Variants in ZRANB2 observed in about 807,000 individuals in gnomAD.
ZRANB2 encodes the protein zinc finger RANBP2-type containing 2.
Under a neutral mutation model 53.4 loss-of-function variants are expected in ZRANB2, and 19 were observed. The observed-to-expected ratio is 0.36, with a 90% CI of 0.25 to 0.52. The LOEUF (loss-of-function observed/expected upper bound fraction) is 0.52, where lower values mean the gene tolerates loss of function less well. ZRANB2 is among the 20% of genes least tolerant of loss of function. The probability of loss-of-function intolerance (pLI) is 0.93; values close to 1 mark genes in which losing one functional copy is unlikely to be tolerated. For missense variants in ZRANB2, 309 were observed against 401.1 expected (o/e 0.77, Z 1.96); for synonymous variants, 145 against 134.8 (o/e 1.08, Z -0.52).
At chr1:71,069,100 T>C (rs967973038) in intron 8 of ZRANB2, among the ~76,000 whole-genome samples, 176 bp downstream of exon 8, 2 of 152,142 alleles carry the variant, frequency 1.3e-5, no homozygotes, top group African/African-American at 2.4e-5. Flanking sequence ...GGCACACTGC[T>C]GGCAATGGAA....
chr1:71,065,024 T>C lies in ZRANB2; in HGVS notation c.*50A>G, dbSNP rs1661388474. ...AGTAAGACACCAACTTCTTTAAAAA[T>C]ATGCTTCATGCACTGTACTGGATTT... is the stretch of plus-strand genomic sequence containing the variant. On this transcript the variant is annotated 3_prime_UTR_variant, in exon 10 of 10. Transcript: ENST00000370920. The C allele has an allele frequency of 1.5e-6, 2 of 1,375,580 alleles. No individual in the cohort carries two copies. The highest frequency in any genetic ancestry group is 1.8e-5 in the Admixed American group (1 of 54,886). 85.2% of individuals were successfully genotyped at this position (1,375,580 alleles called of 1,614,324 possible).
intron 9 of ZRANB2, 111 bp downstream of exon 9, chr1:71,066,665 G>T: frequency 4.3e-6 from 5 of 1,153,146 alleles, no homozygotes; most frequent in Non-Finnish European, 6.1e-6. Flanking sequence ...TTGAAAAGTA[G>T]AAAGTCGGAA....
At chr1:71,073,767 C>T (rs934618605) in intron 4 of ZRANB2, among the ~76,000 whole-genome samples, 8 of 151,906 alleles carry the variant, frequency 5.3e-5, no homozygotes, top group Admixed American at 3.3e-4. Context: ...GTTAATTTTT[C>T]AAAAGTATGT....
Position 71,070,864 on chromosome 1 carries a change from GTGA to G in ZRANB2, c.643_645del (p.Ser215del), listed in dbSNP as rs758925916. 1.7e-5 allele frequency: 28 copies of G among 1,607,702 alleles called. No homozygotes were observed. In the East Asian group the frequency reaches 6.3e-4, roughly 36 times the overall value. On this transcript the variant is annotated inframe_deletion, in exon 7 of 10. Coordinates refer to ENST00000370920, the MANE Select transcript of ZRANB2 (RefSeq NM_203350.3). The stretch of plus-strand genomic sequence containing the variant: ...CTTGAACTTGAGGGGGAGGATGAGC[GTGA>G]TGAAGATCGTGAATGTGAAGATCGA...
At chr1:71,074,954 G>C (rs571728879) in intron 4 of ZRANB2, among the ~76,000 whole-genome samples, 1 of 152,252 alleles carries the variant, frequency 6.6e-6, no homozygotes, top group South Asian at 2.1e-4. Context: ...AAGTGAGAAA[G>C]GTTCAAGACA....
At position 71,064,857 on chromosome 1, in the gene ZRANB2, A is replaced by C; in HGVS notation, c.*217T>G. On this transcript the variant is annotated 3_prime_UTR_variant, in exon 10 of 10. Coordinates refer to ENST00000370920, the MANE Select transcript of ZRANB2 (RefSeq NM_203350.3). ...TTAAATGAAGCAAATGGTTGTAAAT[A>C]ATGAATGACAGAACATCTATTTTGG... 1 of 412,898 alleles carries C rather than the reference A, an allele frequency of 2.4e-6. No homozygotes were observed. The highest frequency in any genetic ancestry group is 4.4e-6 in the Non-Finnish European group (1 of 227,110). The allele number at this position is 412,898 out of a possible 1,614,324, so 25.6% of individuals were successfully genotyped here.
chr1:71,069,945 A>T (rs1661559778), intron 7 of ZRANB2, among the ~76,000 whole-genome samples: 1 of 152,202 alleles, frequency 6.6e-6, no homozygotes, highest in East Asian at 1.9e-4. Flanking sequence ...CACAAAATTC[A>T]TTAATCTAAT....
Position 71,076,865 on chromosome 1 carries a change from C to G in ZRANB2, c.231G>C (p.Val77=). 6.2e-7 allele frequency: 1 copy of G among 1,612,348 alleles called. No individual in the cohort carries two copies. The highest frequency in any genetic ancestry group is 8.5e-7 in the Non-Finnish European group (1 of 1,179,132). Residue 77 remains valine, a synonymous_variant, in exon 4 of 10, where the codon GTG becomes GTC. Coordinates refer to ENST00000370920, the MANE Select transcript of ZRANB2 (RefSeq NM_203350.3). ...TACACTCTGATCTTCTGGCCCAATT[C>G]ACATTGCTGCAACTTTAGAAGTGAA... The part of the protein sequence containing the change: ...NDWQCKTCSN[V]NWARRSECNM...
intron 4 of ZRANB2, 49 bp downstream of exon 4, chr1:71,076,746 T>C: frequency 7.4e-7 from 1 of 1,359,280 alleles, no homozygotes; most frequent in East Asian, 2.3e-5. Context: ...CGTTTCAATA[T>C]TTAGTGCTTT....
intron 1 of ZRANB2, among the ~76,000 whole-genome samples, chr1:71,080,648 G>C (rs1375963537): frequency 7.1e-6 from 1 of 141,008 alleles, no homozygotes; most frequent in Non-Finnish European, 1.6e-5. Context: ...CCTGGCCGGG[G>C]CGGGGGAGGG....
rs779935381 is a variant in ZRANB2, at chr1:71,065,111, G to T, written c.956C>A (p.Ser319Tyr). The T allele has an allele frequency of 1.2e-6, 2 of 1,611,582 alleles. No individual in the cohort carries two copies. Among genetic ancestry groups the T allele is most frequent in the Non-Finnish European group, 1.7e-6 (2 of 1,178,452 alleles). ...TGAACTTGAACGGGAACCAGAATGGGATGATCCAGATGATGACCTGTGGCG... is the reference window on the plus strand; with the variant it reads ...TGAACTTGAACGGGAACCAGAATGGTATGATCCAGATGATGACCTGTGGCG... Reference protein sequence around the residue: ...ERRHRSSSGSSHSGSRSSSKK... With the variant: ...ERRHRSSSGSYHSGSRSSSKK... The change falls in exon 10 of 10, where the codon TCC becomes TAC. Residue 319 changes from serine (S) to tyrosine (Y), a missense_variant. Ser to Tyr is a moderately radical substitution (Grantham distance 144). Coordinates refer to ENST00000370920, the MANE Select transcript of ZRANB2 (RefSeq NM_203350.3).
intron 9 of ZRANB2, chr1:71,066,409 A>G (rs1422606092): frequency 6.0e-6 from 1 of 165,636 alleles, no homozygotes; most frequent in Non-Finnish European, 1.3e-5. Flanking sequence ...TAGATGCTCT[A>G]GAATTCTTGA....
At chr1:71,076,495 A>G (rs964106161) in intron 4 of ZRANB2, among the ~76,000 whole-genome samples, 1 of 152,256 alleles carries the variant, frequency 6.6e-6, no homozygotes, top group Non-Finnish European at 1.5e-5. Flanking sequence ...TGGTATCATT[A>G]TATCATTACT....
chr1:71,078,438 A>G lies in ZRANB2; in HGVS notation c.218+19T>C. Reference sequence around the variant, plus strand: ...TATTATTTTGGAAGAAAGAGCAGACAATAATTTAAAAAACATACGTTTTAC... The same window carrying G: ...TATTATTTTGGAAGAAAGAGCAGACGATAATTTAAAAAACATACGTTTTAC... On this transcript the variant is annotated intron_variant, in intron 3 of 9. Transcript: ENST00000370920. 1 of 1,600,380 alleles carries G rather than the reference A, an allele frequency of 6.2e-7. No individual in the cohort carries two copies. Among genetic ancestry groups the G allele is most frequent in the Admixed American group, 1.7e-5 (1 of 59,462 alleles).
chr1:71,069,513 T>G (rs1661548796), intron 7 of ZRANB2, 151 bp from the exon 8 acceptor site: 1 of 464,846 alleles, frequency 2.2e-6, no homozygotes, highest in South Asian at 4.7e-5. Context: ...GTATTTTAAA[T>G]TAGATAAGAT....
rs1301609370 is a variant in ZRANB2, at chr1:71,064,263, T to C, written c.*811A>G. ...AGCTTACTTCAATTTGCTCATTAAGTATGATTTAGCCTTTTCTACCATATT... is the reference window on the plus strand; with the variant it reads ...AGCTTACTTCAATTTGCTCATTAAGCATGATTTAGCCTTTTCTACCATATT... On this transcript the variant is annotated 3_prime_UTR_variant, in exon 10 of 10. Transcript: ENST00000370920. The C allele has an allele frequency of 1.3e-5, 2 of 152,158 alleles. No individual in the cohort carries two copies. The highest frequency in any genetic ancestry group is 2.9e-5 in the Non-Finnish European group (2 of 67,900). 9.4% of individuals were successfully genotyped at this position (152,158 alleles called of 1,614,324 possible).
At chr1:71,080,037 T>C (rs973607790) in intron 1 of ZRANB2, among the ~76,000 whole-genome samples, 4 of 152,124 alleles carry the variant, frequency 2.6e-5, no homozygotes, top group Non-Finnish European at 2.9e-5. Flanking sequence ...GTTAAATAAG[T>C]AATAGAATTT....
chr1:71,067,469 CTAACTT>C (rs1260784508), intron 8 of ZRANB2: 3 of 282,412 alleles, frequency 1.1e-5, no homozygotes, highest in African/African-American at 2.4e-5. Context: ...GAAATAAAAA[CTAACTT>C]TAAGATGATT....
chr1:71,076,661 C>A, intron 4 of ZRANB2, 134 bp downstream of exon 4: 2 of 692,726 alleles, frequency 2.9e-6, no homozygotes, highest in South Asian at 1.8e-5. Flanking sequence ...AAAAAAATCC[C>A]AGTAACAAAC....
Sources: allele counts gnomAD v4.1 joint callset (sites outside exome capture counted in the v4.1 genomes callset), GRCh38; gene constraint gnomAD v4.1.1; transcripts MANE v1.5; gene names NCBI Gene and HGNC (gene_info 2026-07-23, HGNC 2026-07-21).